The following MUC5AC variants were observed in gnomAD, a reference collection of about 807,000 sequenced individuals.
The protein encoded by MUC5AC is mucin 5AC, oligomeric mucus/gel-forming.
A neutral mutation model predicts 169.7 loss-of-function variants in MUC5AC; 158 were observed. That is an observed-to-expected ratio of 0.93 (90% confidence interval 0.82 to 1.06). The LOEUF is 1.06. Among genes scored for constraint, MUC5AC ranks in the 50% least tolerant of loss-of-function variants. The pLI is 0.00. For synonymous variants in MUC5AC, 1,975 were observed against 1,237.0 expected, an observed-to-expected ratio of 1.60 and a Z score of -12.52; for missense variants, 4,359 against 3,089.9, an observed-to-expected ratio of 1.41 and a Z score of -9.74.
chr11:1,173,445 C>T (rs1860600123), intron 16 of MUC5AC, among the ~76,000 whole-genome samples: 1 of 150,646 alleles, frequency 6.6e-6, no homozygotes. Context: ...ATCCACTCAT[C>T]CACTCACTCA....
intron 1 of MUC5AC, among the ~76,000 whole-genome samples, chr11:1,158,834 C>T (rs1472628205): frequency 6.6e-6 from 1 of 152,202 alleles, no homozygotes; most frequent in East Asian, 1.9e-4. Context: ...ACCCAGGTCC[C>T]TCGCCCAGCC....
chr11:1,158,006 G>A lies in MUC5AC; in HGVS notation c.7G>A (p.Val3Ile). ...CTTCCCCGCCGTCCACACAATGAGT[G>A]TTGGCCGGAGGAAGCTGGCCCTGCT... Reference protein sequence around the residue: MSVGRRKLALLWA... With the variant: MSIGRRKLALLWA... The change falls in exon 1 of 49, where the codon GTT (valine) becomes ATT (isoleucine). Residue 3 changes from valine to isoleucine, a missense_variant. Val to Ile is a conservative substitution (Grantham distance 29, BLOSUM62 3). Coordinates refer to ENST00000621226, the MANE Select transcript of MUC5AC (RefSeq NM_001304359.2). The A allele has an allele frequency of 1.3e-6, 2 of 1,599,846 alleles. No individual in the cohort carries two copies. Among genetic ancestry groups the A allele is most frequent in the Middle Eastern group, 1.7e-4 (1 of 5,982 alleles).
In MUC5AC at chr11:1,162,101, G is replaced by A; in HGVS notation, c.406G>A (p.Val136Ile). The A allele has an allele frequency of 1.2e-6, 2 of 1,612,694 alleles. No homozygotes were observed. Among genetic ancestry groups the A allele is most frequent in the Non-Finnish European group, 1.7e-6 (2 of 1,179,848 alleles). Residue 136 changes from valine to isoleucine, a missense_variant, in exon 4 of 49, where the codon GTC (valine) becomes ATC (isoleucine). Coordinates refer to ENST00000621226, the MANE Select transcript of MUC5AC (RefSeq NM_001304359.2). ...QESAAPTLSRVLMKVDGVVIQ... is the reference protein window; with the variant it reads ...QESAAPTLSRILMKVDGVVIQ... ...GTCAGCGGCCCCCACGCTGAGCAGG[G>A]TCCTCATGAAGGTGGATGGCGTGGT...
chr11:1,169,472 CCACT>C lies in MUC5AC; in HGVS notation c.1870+458_1870+461del, dbSNP rs1227474988. On this transcript the variant is annotated intron_variant, in intron 15 of 48. Transcript: ENST00000621226. The stretch of plus-strand genomic sequence containing the variant: ...TCACTCACTCACCTCACTCACTCAC[CCACT>C]CACTCACTCACCTCACTCACTCACC... 3.6e-5 allele frequency among the ~76,000 whole-genome samples: 4 copies of C among 112,112 alleles called. 1 individual carries two copies. Among genetic ancestry groups the C allele is most frequent in the East Asian group, 2.3e-4 (1 of 4,288 alleles). The allele number at this position is 112,112 out of a possible 152,430, so 73.5% of individuals were successfully genotyped here.
In MUC5AC at chr11:1,158,328, G is replaced by T. The variant is rs55908559; in HGVS notation, c.73+256G>T. 9.7e-3 allele frequency among the ~76,000 whole-genome samples: 1,473 copies of T among 152,298 alleles called. 23 individuals are homozygous for T. The highest frequency in any genetic ancestry group is 0.034 in the African/African-American group (1,408 of 41,564). On this transcript the variant is annotated intron_variant, in intron 1 of 48. Transcript: ENST00000621226. ...GCAGGGAAGTAGGAGCTCAGATCTCGGGCTTTCCCTCCCGGCCCGGATCCC... is the reference window on the plus strand; with the variant it reads ...GCAGGGAAGTAGGAGCTCAGATCTCTGGCTTTCCCTCCCGGCCCGGATCCC...
rs368705249 is a variant in MUC5AC at position 1,200,637 on chromosome 11, G to A, written c.16900G>A (p.Glu5634Lys). Residue 5634 changes from glutamate (E) to lysine (K), a missense_variant, in exon 49 of 49, where the codon GAG becomes AAG. Coordinates refer to ENST00000621226, the MANE Select transcript of MUC5AC (RefSeq NM_001304359.2). ...DTQHSEEAEPEPSQEAESGSW... is the reference protein window; with the variant it reads ...DTQHSEEAEPKPSQEAESGSW... ...CCAGCACTCGGAGGAGGCGGAACCC[G>A]AGCCCAGCCAGGAGGCAGAGAGTGG... The A allele has an allele frequency of 3.0e-5, 23 of 763,834 alleles. No individual in the cohort carries two copies. Among genetic ancestry groups the A allele is most frequent in the South Asian group, 8.1e-5 (6 of 74,512 alleles). 47.3% of individuals were successfully genotyped at this position (763,834 alleles called of 1,614,324 possible). A position where few individuals can be genotyped will look rare whatever the true frequency, so the allele number is the denominator to read the frequency against.
chr11:1,177,279 A>T lies in MUC5AC; in HGVS notation c.2842A>T (p.Thr948Ser). 2.2e-6 allele frequency: 1 copy of T among 450,572 alleles called. No homozygotes were observed. The highest frequency in any genetic ancestry group is 3.2e-5 in the East Asian group (1 of 31,486). 27.9% of individuals were successfully genotyped at this position (450,572 alleles called of 1,614,324 possible). A position where few individuals can be genotyped will look rare whatever the true frequency, so the allele number is the denominator to read the frequency against. ...CACCCAGGACTCCTTTCGTGTTGTC[A>T]CCGAGAACGTCCCCTGCGGCACCAC... ...DSTQDSFRVV[T>S]ENVPCGTTGT... The change falls in exon 23 of 49, where the codon ACC becomes TCC. Residue 948 changes from threonine to serine, a missense_variant. Coordinates refer to ENST00000621226, the MANE Select transcript of MUC5AC (RefSeq NM_001304359.2).
chr11:1,169,167 G>A (rs76258277), intron 15 of MUC5AC, 141 bp downstream of exon 15: 2 of 1,406,564 alleles, frequency 1.4e-6, no homozygotes, highest in Non-Finnish European at 1.8e-6. Context: ...CCCAAGGACA[G>A]GCTCATGGTG....
chr11:1,183,851 C>T lies in MUC5AC; in HGVS notation c.5706C>T (p.Thr1902=), dbSNP rs1325576092. 7 of 404,478 alleles carry T rather than the reference C, an allele frequency of 1.7e-5. No individual in the cohort carries two copies. Among genetic ancestry groups the T allele is most frequent in the South Asian group, 1.2e-4 (1 of 8,530 alleles). The allele number at this position is 404,478 out of a possible 1,614,324, so 25.1% of individuals were successfully genotyped here. A position where few individuals can be genotyped will look rare whatever the true frequency, so the allele number is the denominator to read the frequency against. Residue 1902 remains threonine, a synonymous_variant, in exon 31 of 49, where the codon ACC becomes ACT. Transcript: ENST00000621226. The stretch of plus-strand genomic sequence containing the variant: ...CCAGGACGACACCTGCCCCAGGTAC[C>T]GCTACCTCTGTCAAAAAAACTTTCT... ...STARTTPAPG[T]ATSVKKTFST... is the part of the protein sequence containing the mutation.
Position 1,186,014 on chromosome 11 carries a change from C to T in MUC5AC, c.7869C>T (p.Ala2623=), listed in dbSNP as rs1314233113. Residue 2623 remains alanine (A), a synonymous_variant, in exon 31 of 49, where the codon GCC becomes GCT. Coordinates refer to ENST00000621226, the MANE Select transcript of MUC5AC (RefSeq NM_001304359.2). ...CCCCTATAAGCAGCACAACCTCTGC[C>T]ACTACAACCAGCAGAATCTCTGGTC... ...NSAPISSTTS[A]TTTSRISGPE... The T allele has an allele frequency of 3.7e-3, 2,671 of 728,454 alleles. 11 individuals carry two copies. Among genetic ancestry groups the T allele is most frequent in the Non-Finnish European group, 5.4e-3 (2,160 of 399,808 alleles). The allele number at this position is 728,454 out of a possible 1,614,324, so 45.1% of individuals were successfully genotyped here.
chr11:1,170,661 TCAC>T (rs1860484994), intron 15 of MUC5AC, among the ~76,000 whole-genome samples: 1 of 99,182 alleles, frequency 1.0e-5, no homozygotes, highest in African/African-American at 4.1e-5. Context: ...ACCCACTCAC[TCAC>T]CCACTCACCA....
chr11:1,198,882 C>T lies in MUC5AC; in HGVS notation c.16182C>T (p.Ala5394=), dbSNP rs370723397. The part of the protein sequence containing the change: ...SINGTLYQPG[A]VVSSSLCETC... ...GCCCTGGCTCTCCCCAGCCCGGCGC[C>T]GTGGTCTCCTCGAGCCTGTGCGAAA... Residue 5394 remains alanine (A), a synonymous_variant, in exon 44 of 49, where the codon GCC becomes GCT. Transcript: ENST00000621226. 1.3e-5 allele frequency: 10 copies of T among 746,830 alleles called. No homozygotes were observed. Among genetic ancestry groups the T allele is most frequent in the Admixed American group, 8.9e-5 (5 of 56,264 alleles). 46.3% of individuals were successfully genotyped at this position (746,830 alleles called of 1,614,324 possible).
At position 1,164,551 on chromosome 11, in the gene MUC5AC, TGG is replaced by T; in HGVS notation, c.1129+21_1129+22del. 1 of 1,594,804 alleles carries T rather than the reference TGG, an allele frequency of 6.3e-7. No homozygotes were observed. The highest frequency in any genetic ancestry group is 8.5e-7 in the Non-Finnish European group (1 of 1,171,914). ...CCTGAGGGTGAGGCTCCCCCGCCCC[TGG>T]GAAACACAGGTGCACCCCGACAACT... On this transcript the variant is annotated intron_variant, in intron 9 of 48. Transcript: ENST00000621226.
In MUC5AC at chr11:1,178,669, G is replaced by T; in HGVS notation, c.3313G>T (p.Ala1105Ser). 1 of 1,314,906 alleles carries T rather than the reference G, an allele frequency of 7.6e-7. No individual in the cohort carries two copies. 81.5% of individuals were successfully genotyped at this position (1,314,906 alleles called of 1,614,324 possible). ...CATCCTCCACGGCCCCACCTTCGCCGCCTGCCACGCACACGTATGCTGGCC... is the reference window on the plus strand; with the variant it reads ...CATCCTCCACGGCCCCACCTTCGCCTCCTGCCACGCACACGTATGCTGGCC... ...CSILHGPTFA[A>S]CHAHVEPARY... The change falls in exon 25 of 49, where the codon GCC (alanine) becomes TCC (serine). Residue 1105 changes from alanine (A) to serine (S), a missense_variant. Transcript: ENST00000621226.
rs118200285 is a variant in MUC5AC at position 1,180,474 on chromosome 11, G to T, written c.3734G>T (p.Arg1245Leu). The T allele has an allele frequency of 5.0e-6, 2 of 398,814 alleles. No homozygotes were observed. Among genetic ancestry groups the T allele is most frequent in the South Asian group, 2.5e-4 (2 of 7,870 alleles). 24.7% of individuals were successfully genotyped at this position (398,814 alleles called of 1,614,324 possible). A position where few individuals can be genotyped will look rare whatever the true frequency, so the allele number is the denominator to read the frequency against. The change falls in exon 28 of 49, where the codon CGG (arginine) becomes CTG (leucine). Residue 1245 changes from arginine to leucine, a missense_variant. By Grantham distance (102) the Arg-to-Leu change is moderately radical (BLOSUM62 -2). Transcript: ENST00000621226. ...TGCCACGTCCATGGGAAGTCCTACC[G>T]GCCAGGTGCAGTGGTGCCCTCGGAC... ...PRCHVHGKSY[R>L]PGAVVPSDKN...
At chr11:1,162,759 C>A (rs1282327333) in intron 5 of MUC5AC, 113 bp downstream of exon 5, 8 of 1,080,924 alleles carry the variant, frequency 7.4e-6, no homozygotes, top group South Asian at 6.9e-5. Context: ...CAGGGTCAGA[C>A]TCCACCCCAC....
chr11:1,174,430 A>C, intron 16 of MUC5AC, 66 bp from the exon 17 acceptor site: 1 of 993,606 alleles, frequency 1.0e-6, no homozygotes, highest in Non-Finnish European at 1.5e-6. Flanking sequence ...TGTGGCCTGC[A>C]GGGCGTGGGG....
At position 1,187,333 on chromosome 11, in the gene MUC5AC, G is replaced by A. The variant is rs1860977356; in HGVS notation, c.9188G>A (p.Gly3063Asp). ...TSASTTSITS[G>D]PGTTPSPVPT... ...GCTTCTACCACCAGCATAACTTCTG[G>A]TCCTGGAACTACCCCAAGCCCTGTT... is the stretch of plus-strand genomic sequence containing the variant. The change falls in exon 31 of 49, where the codon GGT becomes GAT. Residue 3063 changes from glycine to aspartate, a missense_variant. Transcript: ENST00000621226. The A allele has an allele frequency of 1.4e-6, 1 of 719,598 alleles. No individual in the cohort carries two copies. The highest frequency in any genetic ancestry group is 2.5e-6 in the Non-Finnish European group (1 of 396,652). The allele number at this position is 719,598 out of a possible 1,614,324, so 44.6% of individuals were successfully genotyped here. A position where few individuals can be genotyped will look rare whatever the true frequency, so the allele number is the denominator to read the frequency against.
rs1311047931 is a variant in MUC5AC, at chr11:1,185,340, G to A, written c.7195G>A (p.Val2399Ile). 4.5e-5 allele frequency: 32 copies of A among 711,696 alleles called. No individual in the cohort carries two copies. Among genetic ancestry groups the A allele is most frequent in the Middle Eastern group, 4.6e-4 (2 of 4,324 alleles). The allele number at this position is 711,696 out of a possible 1,614,324, so 44.1% of individuals were successfully genotyped here. ...ISGPETTPSP[V>I]PTTSTTSATT... ...TGGTCCTGAAACTACTCCCAGCCCT[G>A]TTCCTACCACCAGCACAACCTCTGC... is the stretch of plus-strand genomic sequence containing the variant. Residue 2399 changes from valine (V) to isoleucine (I), a missense_variant, in exon 31 of 49, where the codon GTT becomes ATT. Transcript: ENST00000621226.
Sources: gnomAD v4.1 joint callset for allele counts (sites outside exome capture counted in the v4.1 genomes callset) on GRCh38, gnomAD v4.1.1 for gene constraint, MANE v1.5 for transcripts, NCBI Gene and HGNC (gene_info 2026-07-23, HGNC 2026-07-21) for gene names.